The following UBA1 variants were observed in gnomAD, a reference collection of about 807,000 sequenced individuals.
UBA1 encodes the protein ubiquitin-like modifier-activating enzyme 1.
UBA1 carries 4 observed loss-of-function variants against 84.7 expected under a neutral mutation model. The ratio of observed to expected loss-of-function variants is 0.05; its 90% CI spans 0.02 to 0.11. UBA1 has a LOEUF of 0.11. UBA1 is among the 10% of genes least tolerant of loss of function. The pLI, the probability that UBA1 is intolerant of heterozygous loss-of-function variation, is 1.00. For synonymous variants in UBA1, 364 were observed against 362.6 expected (o/e 1.00, Z -0.04); for missense variants, 513 against 902.8 (o/e 0.57, Z 5.53).
chrX:47,194,581 A>G (rs1301475627), intron 1 of UBA1, among the ~76,000 whole-genome samples: 2 of 111,790 alleles, frequency 1.8e-5, no homozygotes, highest in African/African-American at 6.5e-5. Context: ...AGCCGCGCTC[A>G]GAGCTTCCAG....
rs56269549 is a variant in UBA1 at position 47,194,331 on chromosome X, C to T, written c.-1+307C>T. Among the ~76,000 whole-genome samples the T allele has an allele frequency of 3.2e-3, 356 of 112,422 alleles. 2 individuals are homozygous for T. Among genetic ancestry groups the T allele is most frequent in the Admixed American group, 4.8e-3 (51 of 10,690 alleles). On this transcript the variant is annotated intron_variant, in intron 1 of 25. Transcript: ENST00000335972. Reference sequence around the variant, plus strand: ...CCGAACCTTGTATCTCAGATCAGAACTCTTCCCCAGTCTCCAATAGAGATT... The same window carrying T: ...CCGAACCTTGTATCTCAGATCAGAATTCTTCCCCAGTCTCCAATAGAGATT...
rs1937060780 is a variant in UBA1 at position 47,214,400 on chromosome X, C to A, written c.2912C>A (p.Thr971Asn). The stretch of plus-strand genomic sequence containing the variant: ...CTGCAGCCTAATGGTGAGGAGATGA[C>A]CCTCAAACAGTTCCTCGACTATTTT... The part of the protein sequence containing the change: ...QGLQPNGEEM[T>N]LKQFLDYFKT... Residue 971 changes from threonine (T) to asparagine (N), a missense_variant, in exon 24 of 26, where the codon ACC (threonine) becomes AAC (asparagine). Transcript: ENST00000335972. 3 of 1,210,878 alleles carry A rather than the reference C, an allele frequency of 2.5e-6. No homozygotes were observed. Among genetic ancestry groups the A allele is most frequent in the Non-Finnish European group, 3.4e-6 (3 of 895,101 alleles).
chrX:47,198,208 CA>C, intron 1 of UBA1: 4 of 980,152 alleles, frequency 4.1e-6, no homozygotes, highest in Non-Finnish European at 5.3e-6. Context: ...GATGGATGTC[CA>C]AGCCTCACTT....
rs781946584 is a variant in UBA1 at position 47,198,881 on chromosome X, C to G, written c.79C>G (p.Gln27Glu). Residue 27 changes from glutamine (Q) to glutamate (E), a missense_variant, in exon 2 of 26, where the codon CAG becomes GAG. Gln to Glu is a conservative substitution (Grantham distance 29). Around this residue, in one of 6 missense-constraint regions of UBA1, gnomAD observed 38 missense variants for 43.4 expected, o/e 0.88. Transcript: ENST00000335972. ...GCCGGGTTCTAACTGCTCCCCTGCC[C>G]AGTCCGTGTTGTCCGAAGTGCCCTC... ...PKPGSNCSPA[Q>E]SVLSEVPSVP... The G allele has an allele frequency of 1.6e-5, 19 of 1,210,679 alleles. No individual in the cohort carries two copies. The South Asian group carries it at 3.3e-4, about 21-fold the overall frequency.
chrX:47,202,758 G>T lies in UBA1; in HGVS notation c.1177G>T (p.Asp393Tyr). Residue 393 changes from aspartate to tyrosine, a missense_variant, in exon 11 of 26, where the codon GAT (aspartate) becomes TAT (tyrosine). Transcript: ENST00000335972. ...IRKLAYVAAG[D>Y]LAPINAFIGG... is the part of the protein sequence containing the mutation. ...GAAGCTGGCATATGTGGCTGCTGGG[G>T]ATCTGGCACCCATAAACGCCTTCAT... 8.3e-7 allele frequency: 1 copy of T among 1,210,174 alleles called. No homozygotes were observed. The highest frequency in any genetic ancestry group is 1.1e-6 in the Non-Finnish European group (1 of 894,605).
intron 1 of UBA1, chrX:47,198,175 C>G: frequency 1.0e-6 from 1 of 967,227 alleles, no homozygotes; most frequent in Non-Finnish European, 1.3e-6. Flanking sequence ...AGCAAGTTAC[C>G]GCTCCTGCCA....
chrX:47,198,374 CCT>C (rs1936279075), intron 1 of UBA1: 13 of 856,656 alleles, frequency 1.5e-5, no homozygotes, highest in South Asian at 1.3e-4. Flanking sequence ...TATTATCACC[CCT>C]GTTTCACAGG....
Position 47,201,939 on chromosome X carries a change from G to T in UBA1, c.812-217G>T, listed in dbSNP as rs781960929. The stretch of plus-strand genomic sequence containing the variant: ...GATGGGAAGCAGAGAAGGTCTTCCC[G>T]TGTAGACTTGGAGCCAGGGACACAG... On this transcript the variant is annotated intron_variant, in intron 8 of 25. Transcript: ENST00000335972. 5.4e-5 allele frequency among the ~76,000 whole-genome samples: 6 copies of T among 111,632 alleles called. No homozygotes were observed. In the East Asian group the frequency reaches 1.1e-3, roughly 21 times the overall value.
intron 5 of UBA1, among the ~76,000 whole-genome samples, chrX:47,200,681 C>T (rs1936370539): frequency 8.9e-6 from 1 of 112,111 alleles, no homozygotes; most frequent in African/African-American, 3.2e-5. Flanking sequence ...TCCCTCCTCC[C>T]AGCTACCTCT....
At chrX:47,194,489 C>T (rs1324153613) in intron 1 of UBA1, among the ~76,000 whole-genome samples, 2 of 112,245 alleles carry the variant, frequency 1.8e-5, no homozygotes, top group African/African-American at 3.2e-5. Flanking sequence ...GGCTAGATCT[C>T]GAAGGGGTCC....
chrX:47,206,957 G>T (rs1936702097), intron 16 of UBA1, among the ~76,000 whole-genome samples: 1 of 109,882 alleles, frequency 9.1e-6, no homozygotes, highest in Admixed American at 9.8e-5. Context: ...ATGTTTCTCA[G>T]CATTCCTGAC....
At chrX:47,198,139 T>C in intron 1 of UBA1, 1 of 930,457 alleles carries the variant, frequency 1.1e-6, no homozygotes, top group South Asian at 2.3e-5. Context: ...TTATAAAACT[T>C]GAGCCCCTCT....
intron 23 of UBA1, 22 bp from the exon 24 acceptor site, chrX:47,214,292 GGTCTCCATCTTAC>G: frequency 8.6e-7 from 1 of 1,164,822 alleles, no homozygotes; most frequent in Non-Finnish European, 1.2e-6. Flanking sequence ...CCTCTGGGAT[GGTCTCCATCTTAC>G]ACTCCCCTCT....
At chrX:47,202,897 C>A (rs782411968) in intron 11 of UBA1, 46 bp from the exon 12 acceptor site, 1 of 1,199,587 alleles carries the variant, frequency 8.3e-7, no homozygotes, top group South Asian at 1.8e-5. Context: ...CTGTGTCAGG[C>A]CCCTGTTAAC....
In UBA1 at chrX:47,203,664, C is replaced by A. The variant is rs150198324; in HGVS notation, c.1543C>A (p.Arg515=). ...MDTIEKSNLN[R]QFLFRPWDVT... ...CACCATTGAGAAGTCAAATCTGAAT[C>A]GACAGTTTCTTTTCCGGCCCTGGGA... Residue 515 remains arginine, a synonymous_variant, in exon 14 of 26, where the codon CGA becomes AGA. Coordinates refer to ENST00000335972, the MANE Select transcript of UBA1 (RefSeq NM_003334.4). 90 of 1,207,885 alleles carry A rather than the reference C, an allele frequency of 7.5e-5. No individual in the cohort carries two copies. The highest frequency in any genetic ancestry group is 9.4e-5 in the Non-Finnish European group (84 of 894,698).
chrX:47,214,250 G>A, intron 23 of UBA1, 77 bp from the exon 24 acceptor site: 2 of 901,334 alleles, frequency 2.2e-6, no homozygotes, highest in Non-Finnish European at 3.3e-6. Flanking sequence ...CTGCATGGGG[G>A]TAGGGGGGAT....
At chrX:47,210,450 A>G (rs1936870812) in intron 18 of UBA1, among the ~76,000 whole-genome samples, 1 of 112,006 alleles carries the variant, frequency 8.9e-6, no homozygotes, top group Non-Finnish European at 1.9e-5. Context: ...GAACTTAGGC[A>G]AATCACGTAA....
chrX:47,210,932 A>G lies in UBA1; in HGVS notation c.2274+16A>G. ...TGTCAACAATGTAAGTCTCCTTTCT[A>G]GGGTCTTCTGGGGTCAGGTGGAGGG... is the stretch of plus-strand genomic sequence containing the variant. On this transcript the variant is annotated intron_variant, in intron 19 of 25. Transcript: ENST00000335972. 3.3e-6 allele frequency: 4 copies of G among 1,210,710 alleles called. No individual in the cohort carries two copies. In the African/African-American group the frequency reaches 6.9e-5, roughly 21 times the overall value.
chrX:47,206,550 A>G (rs1213462582), intron 16 of UBA1, 106 bp downstream of exon 16: 3 of 833,450 alleles, frequency 3.6e-6, no homozygotes, highest in Admixed American at 5.0e-5. Flanking sequence ...GCCTAAGTGT[A>G]AGATGTGCCT....
Sources: allele counts gnomAD v4.1 joint callset (sites outside exome capture counted in the v4.1 genomes callset), GRCh38; gene constraint gnomAD v4.1.1; regional missense constraint gnomAD v4.1.1; transcripts MANE v1.5; gene names NCBI Gene and HGNC (gene_info 2026-07-23, HGNC 2026-07-21).